The following PDE3B variants were observed in gnomAD, a reference collection of about 807,000 sequenced individuals.
The protein encoded by PDE3B is phosphodiesterase 3B.
Under a neutral mutation model 116.8 loss-of-function variants are expected in PDE3B, and 66 were observed. That is an observed-to-expected ratio of 0.56 (90% CI 0.46 to 0.69). The LOEUF is 0.69. Among genes scored for constraint, PDE3B ranks in the 30% least tolerant of loss-of-function variants. The probability of loss-of-function intolerance (pLI) is 0.00; values close to 1 mark genes in which losing one functional copy is unlikely to be tolerated. For missense variants in PDE3B, 1,384 were observed against 1,368.1 expected (o/e 1.01, Z -0.18); for synonymous variants, 595 against 533.6 (o/e 1.12, Z -1.59).
intron 5 of PDE3B, among the ~76,000 whole-genome samples, chr11:14,808,838 T>C (rs1859034255): frequency 1.3e-5 from 2 of 152,214 alleles, no homozygotes; most frequent in African/African-American, 4.8e-5. Context: ...ATGGAAACTA[T>C]AAAATATTGT....
chr11:14,673,737 A>T, intron 1 of PDE3B: 1 of 767,490 alleles, frequency 1.3e-6, no homozygotes, highest in South Asian at 1.3e-5. Flanking sequence ...ATAGGCCAAC[A>T]TTGCTCCAAT....
At chr11:14,741,739 T>A (rs924552602) in intron 1 of PDE3B, among the ~76,000 whole-genome samples, 5 of 152,192 alleles carry the variant, frequency 3.3e-5, no homozygotes, top group African/African-American at 1.2e-4. Context: ...GTTGTTCCTT[T>A]CCATGTTTAG....
At chr11:14,858,380 C>G (rs1241149062) in intron 12 of PDE3B, among the ~76,000 whole-genome samples, 2 of 152,076 alleles carry the variant, frequency 1.3e-5, no homozygotes, top group Admixed American at 6.5e-5. Flanking sequence ...AGTCTGTATT[C>G]CAAAGTCCTA....
At chr11:14,849,994 A>G in intron 12 of PDE3B, among the ~76,000 whole-genome samples, 1 of 152,122 alleles carries the variant, frequency 6.6e-6, no homozygotes, top group East Asian at 2.0e-4. Flanking sequence ...CTGGGTATAT[A>G]CCCAAAGGAC....
intron 1 of PDE3B, among the ~76,000 whole-genome samples, chr11:14,738,638 G>C (rs183342279): frequency 6.6e-6 from 1 of 152,260 alleles, no homozygotes; most frequent in African/African-American, 2.4e-5. Context: ...GGCTTTTGTT[G>C]CCATTGCTTT....
At chr11:14,758,125 G>C (rs1179935336) in intron 1 of PDE3B, among the ~76,000 whole-genome samples, 1 of 152,048 alleles carries the variant, frequency 6.6e-6, no homozygotes, top group African/African-American at 2.4e-5. Context: ...GATATGTGGC[G>C]TTATTTCTGA....
intron 1 of PDE3B, among the ~76,000 whole-genome samples, chr11:14,663,963 A>G (rs1440079642): frequency 6.6e-6 from 1 of 152,036 alleles, no homozygotes; most frequent in Non-Finnish European, 1.5e-5. Context: ...CAGAATATAC[A>G]TTTTTTTCAG....
chr11:14,823,798 AT>A (rs375552289), intron 7 of PDE3B, among the ~76,000 whole-genome samples: 275 of 152,126 alleles, frequency 1.8e-3, no homozygotes, highest in African/African-American at 6.3e-3. Flanking sequence ...AAGTAACCAG[AT>A]TGTTTGTTAC....
Position 14,780,076 on chromosome 11 carries a change from A to G in PDE3B, c.1030-6361A>G, listed in dbSNP as rs568713707. Reference sequence around the variant, plus strand: ...AAAGATCAGAAGAGACAAGGCCATTATATAATGGTAAAGGGATCAATTCAA... The same window carrying G: ...AAAGATCAGAAGAGACAAGGCCATTGTATAATGGTAAAGGGATCAATTCAA... On this transcript the variant is annotated intron_variant, in intron 2 of 15. Coordinates refer to ENST00000282096, the MANE Select transcript of PDE3B (RefSeq NM_000922.4). Among the ~76,000 whole-genome samples the G allele has an allele frequency of 2.8e-3, 431 of 152,274 alleles. 1 individual carries two copies. The highest frequency in any genetic ancestry group is 9.9e-3 in the South Asian group (48 of 4,828).
intron 11 of PDE3B, among the ~76,000 whole-genome samples, chr11:14,838,070 C>T (rs1164043680): frequency 6.6e-6 from 1 of 152,044 alleles, no homozygotes; most frequent in African/African-American, 2.4e-5. Context: ...GCGCCGCCTC[C>T]TGGGTTCATG....
chr11:14,726,068 G>C (rs751534937), intron 1 of PDE3B, among the ~76,000 whole-genome samples: 1 of 152,084 alleles, frequency 6.6e-6, no homozygotes, highest in African/African-American at 2.4e-5. Context: ...CAGGGCATTT[G>C]CATTTGCTGT....
At chr11:14,750,621 C>G (rs1334647777) in intron 1 of PDE3B, among the ~76,000 whole-genome samples, 1 of 151,544 alleles carries the variant, frequency 6.6e-6, no homozygotes, top group Non-Finnish European at 1.5e-5. Flanking sequence ...ATTTTATTGA[C>G]TGATTGGTTT....
At chr11:14,894,659 C>A in the PDE3B span, among the ~76,000 whole-genome samples, 2 of 152,100 alleles carry the variant, frequency 1.3e-5, no homozygotes, top group African/African-American at 4.8e-5. Flanking sequence ...TGTTCCCCAC[C>A]CCACCCCACC....
the PDE3B span, chr11:14,879,398 T>G: frequency 1.9e-6 from 3 of 1,607,646 alleles, no homozygotes; most frequent in Admixed American, 5.0e-5. Flanking sequence ...CCAAGAAGGC[T>G]TCCCATTAGG....
chr11:14,866,779 T>G (rs1848055460), intron 14 of PDE3B, among the ~76,000 whole-genome samples: 1 of 152,212 alleles, frequency 6.6e-6, no homozygotes, highest in African/African-American at 2.4e-5. Context: ...CAGTACTTGC[T>G]AAACACTTTA....
chr11:14,781,133 T>A (rs978792194), intron 2 of PDE3B, among the ~76,000 whole-genome samples: 2 of 152,272 alleles, frequency 1.3e-5, no homozygotes, highest in Non-Finnish European at 2.9e-5. Context: ...AATTTCTGAA[T>A]AGACTAATAA....
chr11:14,661,571 G>GA (rs1853911385), intron 1 of PDE3B, among the ~76,000 whole-genome samples: 1 of 152,230 alleles, frequency 6.6e-6, no homozygotes. Flanking sequence ...AGGGGTGACA[G>GA]ACGGCACCTG....
At chr11:14,845,210 C>G (rs1847571412) in intron 12 of PDE3B, among the ~76,000 whole-genome samples, 1 of 152,072 alleles carries the variant, frequency 6.6e-6, no homozygotes, top group Admixed American at 6.6e-5. Flanking sequence ...GCCACCGCTG[C>G]TGGTACCCAG....
intron 12 of PDE3B, among the ~76,000 whole-genome samples, chr11:14,845,209 G>A (rs1389830644): frequency 6.6e-6 from 1 of 152,064 alleles, no homozygotes; most frequent in Non-Finnish European, 1.5e-5. Flanking sequence ...AGCCACCGCT[G>A]CTGGTACCCA....
Sources: gnomAD v4.1 joint callset for allele counts (sites outside exome capture counted in the v4.1 genomes callset) on GRCh38, gnomAD v4.1.1 for gene constraint, MANE v1.5 for transcripts, NCBI Gene and HGNC (gene_info 2026-07-23, HGNC 2026-07-21) for gene names.